Variants in SVIL observed in about 807,000 individuals in gnomAD.
SVIL encodes supervillin.
A neutral mutation model predicts 240.4 loss-of-function variants in SVIL; 101 were observed. That is an observed-to-expected ratio of 0.42 (90% confidence interval 0.36 to 0.50). The LOEUF (loss-of-function observed/expected upper bound fraction) is 0.50. SVIL is among the 20% of genes least tolerant of loss of function. The probability of loss-of-function intolerance (pLI) is 0.01; values close to 1 mark genes in which losing one functional copy is unlikely to be tolerated. For synonymous variants in SVIL, 999 were observed against 1,100.0 expected, an observed-to-expected ratio of 0.91 and a Z score of 1.82; for missense variants, 2,512 against 2,818.7, an observed-to-expected ratio of 0.89 and a Z score of 2.46.
rs1018826281 is a variant in SVIL, at chr10:29,531,358, A to C, written c.2010-70T>G. ...GAGCAGAAGATCGAAATAAAACATC[A>C]TACTGAAAGTAAAAATAAAAATGCA... On this transcript the variant is annotated intron_variant, in intron 9 of 37. Transcript: ENST00000355867. 8 of 1,369,344 alleles carry C rather than the reference A, an allele frequency of 5.8e-6. No homozygotes were observed. The African/African-American group carries it at 1.2e-4, about 20-fold the overall frequency. 84.8% of individuals were successfully genotyped at this position (1,369,344 alleles called of 1,614,324 possible).
At chr10:29,527,723 C>CATTTTTT (rs1196329053) in intron 12 of SVIL, among the ~76,000 whole-genome samples, 1 of 135,242 alleles carries the variant, frequency 7.4e-6, no homozygotes, top group African/African-American at 2.7e-5. Context: ...CTGGGCCCAG[C>CATTTTTT]CTTTTTTTTT....
intron 1 of SVIL, among the ~76,000 whole-genome samples, chr10:29,721,139 T>C (rs535622944): frequency 2.6e-5 from 4 of 152,220 alleles, no homozygotes; most frequent in African/African-American, 9.6e-5. Context: ...TGAGCCCCTA[T>C]GCCCAGATTA....
Position 29,532,684 on chromosome 10 carries a change from C to A in SVIL, c.1683G>T (p.Lys561Asn), listed in dbSNP as rs180773798. 2 of 1,614,120 alleles carry A rather than the reference C, an allele frequency of 1.2e-6. No homozygotes were observed. Among genetic ancestry groups the A allele is most frequent in the Non-Finnish European group, 1.7e-6 (2 of 1,180,046 alleles). The change falls in exon 8 of 38, where the codon AAG (lysine) becomes AAT (asparagine). Residue 561 changes from lysine (K) to asparagine (N), a missense_variant. Lys to Asn is a moderately conservative substitution (Grantham distance 94, BLOSUM62 0). Transcript: ENST00000355867. The part of the protein sequence containing the change: ...FTGPPQLQAL[K>N]YKDPASRREL... ...CTCTCCTGGAAGCTGGGTCCTTATA[C>A]TTCAAGGCCTGGAGCTGAGGGGGGC...
intron 17 of SVIL, among the ~76,000 whole-genome samples, chr10:29,507,487 G>C (rs565302727): frequency 4.0e-5 from 6 of 151,770 alleles, no homozygotes; most frequent in African/African-American, 1.5e-4. Context: ...ACACACATAC[G>C]TACACACTTA....
At chr10:29,676,422 G>A (rs1277185478) in intron 2 of SVIL, among the ~76,000 whole-genome samples, 1 of 152,128 alleles carries the variant, frequency 6.6e-6, no homozygotes, top group Non-Finnish European at 1.5e-5. Flanking sequence ...AACTCTTTGA[G>A]AGCAAAGACT....
rs146720525 is a variant in SVIL at position 29,634,677 on chromosome 10, T to C, written c.-458A>G. The C allele has an allele frequency of 6.6e-6, 1 of 152,206 alleles. No homozygotes were observed. The highest frequency in any genetic ancestry group is 2.4e-5 in the African/African-American group (1 of 41,452). 9.4% of individuals were successfully genotyped at this position (152,206 alleles called of 1,614,324 possible). Reference sequence around the variant, plus strand: ...AAAGATCACGATGTCAGCAAGCAACTGCATCTATCAGAAGCGATGATGATT... The same window carrying C: ...AAAGATCACGATGTCAGCAAGCAACCGCATCTATCAGAAGCGATGATGATT... On this transcript the variant is annotated 5_prime_UTR_variant, in exon 1 of 38. Coordinates refer to ENST00000355867, the MANE Select transcript of SVIL (RefSeq NM_021738.3).
chr10:29,639,057 GTA>G (rs1958399279), upstream of SVIL, among the ~76,000 whole-genome samples: 1 of 152,218 alleles, frequency 6.6e-6, no homozygotes, highest in East Asian at 1.9e-4. Context: ...AGCCACCTGA[GTA>G]GCTGGGATAA....
intron 1 of SVIL, among the ~76,000 whole-genome samples, chr10:29,699,903 A>C (rs1206103384): frequency 6.6e-6 from 1 of 152,220 alleles, no homozygotes; most frequent in Non-Finnish European, 1.5e-5. Context: ...TTTGTATTCT[A>C]AACTCTCCCT....
intron 29 of SVIL, among the ~76,000 whole-genome samples, chr10:29,476,172 C>A (rs1946173130): frequency 6.6e-6 from 1 of 152,170 alleles, no homozygotes; most frequent in South Asian, 2.1e-4. Flanking sequence ...AACTTAGCAA[C>A]AAAACTTTGC....
chr10:29,664,349 T>C (rs1959192589), intron 2 of SVIL, among the ~76,000 whole-genome samples: 1 of 152,156 alleles, frequency 6.6e-6, no homozygotes, highest in African/African-American at 2.4e-5. Context: ...GTAGCAAACA[T>C]TGAAGAAAAA....
At chr10:29,647,421 T>G (rs1958694535) in intron 3 of SVIL, among the ~76,000 whole-genome samples, 2 of 152,188 alleles carry the variant, frequency 1.3e-5, no homozygotes, top group African/African-American at 4.8e-5. Context: ...TTCTCAAGTT[T>G]TATGGTTATA....
intron 2 of SVIL, among the ~76,000 whole-genome samples, chr10:29,686,398 T>C (rs1316329473): frequency 2.0e-5 from 3 of 152,234 alleles, no homozygotes; most frequent in Non-Finnish European, 2.9e-5. Flanking sequence ...TTTTAAGTTT[T>C]GTTTTTAAAA....
intron 1 of SVIL, among the ~76,000 whole-genome samples, chr10:29,731,682 C>T (rs1244481511): frequency 6.6e-6 from 1 of 152,168 alleles, no homozygotes; most frequent in Non-Finnish European, 1.5e-5. Flanking sequence ...AATGTTAATT[C>T]TGACATTTCC....
chr10:29,589,573 G>T (rs779802756), intron 1 of SVIL, among the ~76,000 whole-genome samples: 11 of 152,022 alleles, frequency 7.2e-5, no homozygotes, highest in Non-Finnish European at 1.5e-4. Flanking sequence ...CTCTTCAGCT[G>T]CCGGCTTTGG....
Position 29,488,782 on chromosome 10 carries a change from A to G in SVIL, c.4193-26T>C. 3.1e-6 allele frequency: 5 copies of G among 1,601,350 alleles called. 1 individual carries two copies. The South Asian group carries it at 4.5e-5, about 15-fold the overall frequency. On this transcript the variant is annotated intron_variant, in intron 22 of 37. Coordinates refer to ENST00000355867, the MANE Select transcript of SVIL (RefSeq NM_021738.3). ...CTGGGCACGTTGAATAAGGAAACAC[A>G]ACGCAGGAGGTTCAGTTACAGTGAC... is the stretch of plus-strand genomic sequence containing the variant.
Position 29,666,804 on chromosome 10 carries a change from G to T in SVIL, c.-300-8736C>A, listed in dbSNP as rs560751765. Among the ~76,000 whole-genome samples the T allele has an allele frequency of 3.3e-5, 5 of 152,280 alleles. 1 individual carries two copies. In the East Asian group the frequency reaches 9.6e-4, roughly 29 times the overall value. On this transcript the variant is annotated intron_variant, in intron 2 of 35. Transcript: ENST00000375400. ...AGAAAAGGGAAAGTCATATTCCGAG[G>T]TTTCTCTTCAAGGAGGAAAATCACA...
chr10:29,562,769 GAAAA>G (rs34507610), intron 3 of SVIL, among the ~76,000 whole-genome samples: 64 of 115,746 alleles, frequency 5.5e-4, no homozygotes, highest in African/African-American at 1.9e-3. Context: ...TCAAAAAAAA[GAAAA>G]AAAAAAAAAA....
chr10:29,493,164 C>T (rs759595412), intron 21 of SVIL, 50 bp downstream of exon 21: 11 of 1,573,808 alleles, frequency 7.0e-6, no homozygotes, highest in Admixed American at 3.5e-5. Flanking sequence ...CCTCTGCAGG[C>T]GAAGGAAGCC....
intron 3 of SVIL, among the ~76,000 whole-genome samples, chr10:29,656,992 A>T (rs1339036297): frequency 6.6e-6 from 1 of 152,230 alleles, no homozygotes; most frequent in East Asian, 1.9e-4. Context: ...AGTATCTACA[A>T]AGTGAATACT....
Sources: allele counts gnomAD v4.1 joint callset (sites outside exome capture counted in the v4.1 genomes callset), GRCh38; gene constraint gnomAD v4.1.1; transcripts MANE v1.5; gene names NCBI Gene and HGNC (gene_info 2026-07-23, HGNC 2026-07-21).